The following ANTXR2 variants were observed in gnomAD, a reference collection of about 807,000 sequenced individuals.
ANTXR2 encodes ANTXR cell adhesion molecule 2.
Under a neutral mutation model 73.7 loss-of-function variants are expected in ANTXR2, and 44 were observed. The ratio of observed to expected loss-of-function variants is 0.60; its 90% CI spans 0.47 to 0.77. The LOEUF is 0.77. ANTXR2 is among the 30% of genes least tolerant of loss of function. ANTXR2 has a pLI of 0.00. For synonymous variants in ANTXR2, 217 were observed against 205.9 expected (o/e 1.05, Z -0.46); for missense variants, 604 against 592.5 (o/e 1.02, Z -0.20).
intron 12 of ANTXR2, among the ~76,000 whole-genome samples, chr4:79,997,310 G>A (rs1730775811): frequency 6.6e-6 from 1 of 151,138 alleles, no homozygotes; most frequent in African/African-American, 2.4e-5. Flanking sequence ...TAGTATTTCA[G>A]AACTGATTTT....
chr4:79,958,859 C>T (rs1318719519), intron 16 of ANTXR2, among the ~76,000 whole-genome samples: 1 of 152,084 alleles, frequency 6.6e-6, no homozygotes, highest in African/African-American at 2.4e-5. Context: ...GTAAACTGGA[C>T]TAATGAGGCA....
Position 79,903,942 on chromosome 4 carries a change from AAAGCTAACCAAT to A in ANTXR2, c.*3475_*3486del, listed in dbSNP as rs1388544147. 3.3e-5 allele frequency: 5 copies of A among 152,204 alleles called. No homozygotes were observed. Among genetic ancestry groups the A allele is most frequent in the African/African-American group, 1.2e-4 (5 of 41,470 alleles). 9.4% of individuals were successfully genotyped at this position (152,204 alleles called of 1,614,324 possible). A position where few individuals can be genotyped will look rare whatever the true frequency, so the allele number is the denominator to read the frequency against. ...AATGTGATGCTAGAAAATGCTAGTA[AAAGCTAACCAAT>A]ATACAATATATGCATGGAGTAGGAA... On this transcript the variant is annotated 3_prime_UTR_variant, in exon 17 of 17. Transcript: ENST00000403729.
chr4:79,976,465 C>T lies in ANTXR2; in HGVS notation c.1428+1156G>A, dbSNP rs113323321. On this transcript the variant is annotated intron_variant, in intron 16 of 16. Coordinates refer to ENST00000403729, the MANE Select transcript of ANTXR2 (RefSeq NM_058172.6). ...CCATGTCAGTTTGCCATTGCCATGG[C>T]AACACCCAGAAGTTACCACCACTTT... Among the ~76,000 whole-genome samples the T allele has an allele frequency of 2.1e-3, 278 of 129,726 alleles. 4 individuals are homozygous for T. Among genetic ancestry groups the T allele is most frequent in the African/African-American group, 7.2e-3 (266 of 36,734 alleles). 85.1% of individuals were successfully genotyped at this position (129,726 alleles called of 152,430 possible). A position where few individuals can be genotyped will look rare whatever the true frequency, so the allele number is the denominator to read the frequency against.
rs1356933435 is a variant in ANTXR2 at position 80,011,323 on chromosome 4, C to CATCT, written c.946-2711_946-2708dup. 1.4e-4 allele frequency among the ~76,000 whole-genome samples: 21 copies of CATCT among 150,890 alleles called. 1 individual carries two copies. Among genetic ancestry groups the CATCT allele is most frequent in the South Asian group, 4.2e-4 (2 of 4,764 alleles). On this transcript the variant is annotated intron_variant, in intron 11 of 16. Coordinates refer to ENST00000403729, the MANE Select transcript of ANTXR2 (RefSeq NM_058172.6). The stretch of plus-strand genomic sequence containing the variant: ...TCTATCTATCTATCTATCTGTCTAT[C>CATCT]ATCTATCTATCTATCTATCTGTCTG...
At chr4:80,063,403 T>C (rs1734352061) in intron 3 of ANTXR2, among the ~76,000 whole-genome samples, 3 of 150,986 alleles carry the variant, frequency 2.0e-5, no homozygotes, top group Non-Finnish European at 4.4e-5. Flanking sequence ...AATTCCATTT[T>C]GATTCCAAGA....
At chr4:79,980,592 GGTTATAT>G (rs1384206803) in intron 14 of ANTXR2, among the ~76,000 whole-genome samples, 1 of 152,082 alleles carries the variant, frequency 6.6e-6, no homozygotes, top group Non-Finnish European at 1.5e-5. Flanking sequence ...ATGACTAGAA[GGTTATAT>G]CATTGAGGAG....
intron 12 of ANTXR2, among the ~76,000 whole-genome samples, chr4:79,988,851 C>T (rs1367108019): frequency 6.6e-6 from 1 of 152,040 alleles, no homozygotes; most frequent in Non-Finnish European, 1.5e-5. Context: ...GCTCTCAAAA[C>T]CATACAATTA....
At chr4:79,936,718 T>A (rs1728277070) in intron 16 of ANTXR2, among the ~76,000 whole-genome samples, 1 of 150,934 alleles carries the variant, frequency 6.6e-6, no homozygotes, top group Non-Finnish European at 1.5e-5. Flanking sequence ...TAGAAAACAA[T>A]TAATTTAAAA....
intron 12 of ANTXR2, among the ~76,000 whole-genome samples, chr4:79,995,384 T>A (rs1170324165): frequency 6.6e-6 from 1 of 151,886 alleles, no homozygotes; most frequent in Non-Finnish European, 1.5e-5. Flanking sequence ...GGAAAAAATA[T>A]ACAAAAATAA....
chr4:80,026,097 T>C (rs181028586), intron 10 of ANTXR2, among the ~76,000 whole-genome samples: 277 of 152,302 alleles, frequency 1.8e-3, no homozygotes, highest in African/African-American at 6.3e-3. Flanking sequence ...GTCTTAGTGA[T>C]ATGGTTTTGC....
intron 11 of ANTXR2, among the ~76,000 whole-genome samples, chr4:80,012,013 G>A (rs1355511997): frequency 1.3e-5 from 2 of 152,228 alleles, no homozygotes; most frequent in African/African-American, 4.8e-5. Context: ...AAATCAGGGT[G>A]ACTGCTGCCC....
chr4:79,956,201 G>T (rs1441937469), intron 16 of ANTXR2, among the ~76,000 whole-genome samples: 3 of 152,128 alleles, frequency 2.0e-5, no homozygotes. Flanking sequence ...TGTATGTTGT[G>T]TATGTGTATT....
chr4:80,051,828 C>T (rs962392810), intron 7 of ANTXR2, among the ~76,000 whole-genome samples: 15 of 151,528 alleles, frequency 9.9e-5, no homozygotes, highest in African/African-American at 3.6e-4. Flanking sequence ...ATAAAACTTT[C>T]TTAATCTTTG....
intron 16 of ANTXR2, among the ~76,000 whole-genome samples, chr4:79,929,452 C>T (rs1349822783): frequency 6.6e-6 from 1 of 152,146 alleles, no homozygotes; most frequent in African/African-American, 2.4e-5. Flanking sequence ...GTGGAAGTTG[C>T]AGTGAGCCAA....
chr4:80,033,533 C>T lies in ANTXR2; in HGVS notation c.735G>A (p.Met245Ile). The T allele has an allele frequency of 6.3e-7, 1 of 1,597,372 alleles. No homozygotes were observed. The change falls in exon 9 of 17, where the codon ATG (methionine) becomes ATA (isoleucine). Residue 245 changes from methionine (M) to isoleucine (I), a missense_variant. Met to Ile is a conservative substitution (Grantham distance 10). Transcript: ENST00000403729. ...FQIVLSGRGF[M>I]LGSRNGSVLC... ...GAACACTGCCATTCCGACTGCCCAG[C>T]ATGAATCCTCTTCCACTTAAGACAA... is the stretch of plus-strand genomic sequence containing the variant.
intron 16 of ANTXR2, among the ~76,000 whole-genome samples, chr4:79,919,345 A>G (rs193094230): frequency 1.3e-5 from 2 of 152,174 alleles, no homozygotes; most frequent in African/African-American, 4.8e-5. Context: ...TTATTAATTC[A>G]TAGTTATATA....
intron 16 of ANTXR2, among the ~76,000 whole-genome samples, chr4:79,954,466 T>A (rs1302476584): frequency 3.3e-5 from 5 of 152,068 alleles, no homozygotes; most frequent in African/African-American, 1.2e-4. Flanking sequence ...AATTAAAAAC[T>A]GGGCCCAGTG....
At position 79,906,066 on chromosome 4, in the gene ANTXR2, C is replaced by CT. The variant is rs1182766435; in HGVS notation, c.*1362dup. 6.6e-6 allele frequency: 1 copy of CT among 152,586 alleles called. No homozygotes were observed. The allele number at this position is 152,586 out of a possible 1,614,324, so 9.5% of individuals were successfully genotyped here. A position where few individuals can be genotyped will look rare whatever the true frequency, so the allele number is the denominator to read the frequency against. On this transcript the variant is annotated 3_prime_UTR_variant, in exon 17 of 17. Coordinates refer to ENST00000403729, the MANE Select transcript of ANTXR2 (RefSeq NM_058172.6). Reference sequence around the variant, plus strand: ...ATCTGAAGTACAGTATCGAAAGTGACTAGATCATTTGAGCTTTTTTCTTCA... The same window carrying CT: ...ATCTGAAGTACAGTATCGAAAGTGACTTAGATCATTTGAGCTTTTTTCTTCA...
intron 16 of ANTXR2, among the ~76,000 whole-genome samples, chr4:79,918,460 C>T (rs1421075420): frequency 6.9e-6 from 1 of 144,278 alleles, no homozygotes; most frequent in Non-Finnish European, 1.5e-5. Context: ...TCCCCTTACC[C>T]TGCCCCACAA....
Sources: allele counts gnomAD v4.1 joint callset (sites outside exome capture counted in the v4.1 genomes callset), GRCh38; gene constraint gnomAD v4.1.1; transcripts MANE v1.5; gene names NCBI Gene and HGNC (gene_info 2026-07-23, HGNC 2026-07-21).